PHF14: variants seen among roughly 807,000 people sequenced by gnomAD.
PHF14 encodes the protein PHD finger protein 14.
PHF14 carries 55 observed loss-of-function variants against 117.9 expected under a neutral mutation model. The observed-to-expected ratio is 0.47, with a 90% CI of 0.38 to 0.58. PHF14 has a LOEUF of 0.58. Among genes scored for constraint, PHF14 ranks in the 20% least tolerant of loss-of-function variants. PHF14 has a pLI of 0.00. For synonymous variants in PHF14, 409 were observed against 368.6 expected (o/e 1.11, Z -1.26); for missense variants, 978 against 1,122.2 (o/e 0.87, Z 1.84).
chr7:11,090,391 A>G (rs1358820072), intron 16 of PHF14, among the ~76,000 whole-genome samples: 1 of 152,208 alleles, frequency 6.6e-6, no homozygotes, highest in East Asian at 1.9e-4. Context: ...AAGTGAAATT[A>G]TATCAGTCAA....
At chr7:10,989,984 A>C (rs1185587455) in intron 3 of PHF14, among the ~76,000 whole-genome samples, 1 of 152,124 alleles carries the variant, frequency 6.6e-6, no homozygotes, top group African/African-American at 2.4e-5. Flanking sequence ...TTTACACTGG[A>C]TATTTCTTGA....
chr7:10,983,168 A>G lies in PHF14; in HGVS notation c.900+9A>G. The G allele has an allele frequency of 6.3e-7, 1 of 1,577,392 alleles. No individual in the cohort carries two copies. Among genetic ancestry groups the G allele is most frequent in the Non-Finnish European group, 8.6e-7 (1 of 1,168,284 alleles). ...AAAGCAAGAGTAATGAGGTAGATCA[A>G]CCCAATTTTTATATCTGTCTGTCTG... On this transcript the variant is annotated intron_variant, in intron 3 of 17. Transcript: ENST00000634607.
chr7:11,050,611 C>T (rs1047211291), intron 13 of PHF14, among the ~76,000 whole-genome samples: 3 of 152,050 alleles, frequency 2.0e-5, no homozygotes, highest in African/African-American at 4.8e-5. Context: ...ATTTCAAGTG[C>T]TCAGTAACCA....
chr7:11,110,309 C>A (rs1222759482), intron 16 of PHF14: 1 of 152,036 alleles, frequency 6.6e-6, no homozygotes, highest in African/African-American at 2.4e-5. Flanking sequence ...AGTTTTAAAT[C>A]AGTGAAAGAT....
intron 16 of PHF14, among the ~76,000 whole-genome samples, chr7:11,067,133 A>G (rs1359994759): frequency 6.6e-6 from 1 of 152,218 alleles, no homozygotes; most frequent in East Asian, 1.9e-4. Context: ...AAACAACCCC[A>G]TTAAAAATGG....
chr7:11,063,546 C>G (rs1461943490), intron 16 of PHF14: 1 of 973,218 alleles, frequency 1.0e-6, no homozygotes, highest in African/African-American at 1.8e-5. Context: ...AGCTGGTGAT[C>G]CTTTTATTAA....
At chr7:11,144,588 T>A (rs1182447458) in intron 17 of PHF14, among the ~76,000 whole-genome samples, 7 of 148,296 alleles carry the variant, frequency 4.7e-5, no homozygotes, top group Non-Finnish European at 1.5e-5. Flanking sequence ...AAATATAAAT[T>A]AATGTAATAT....
At chr7:11,008,721 G>A (rs552707381) in intron 4 of PHF14, among the ~76,000 whole-genome samples, 1 of 152,158 alleles carries the variant, frequency 6.6e-6, no homozygotes, top group South Asian at 2.1e-4. Context: ...TGTCTTTCTC[G>A]TAAACAATAT....
Position 11,035,654 on chromosome 7 carries a change from A to G in PHF14, c.1470A>G (p.Pro490=), listed in dbSNP as rs1351691417. The G allele has an allele frequency of 6.2e-7, 1 of 1,609,520 alleles. No individual in the cohort carries two copies. Among genetic ancestry groups the G allele is most frequent in the Admixed American group, 1.7e-5 (1 of 59,836 alleles). ...EAAAEEDIAD[P]FFAYCKQHAD... The stretch of plus-strand genomic sequence containing the variant: ...TCTTTGTATAGGATATAGCAGATCC[A>G]TTCTTTGCTTATTGTAAGCAACATG... Residue 490 remains proline (P), a synonymous_variant, in exon 8 of 18, where the codon CCA becomes CCG. Coordinates refer to ENST00000634607, the MANE Select transcript of PHF14 (RefSeq NM_001007157.2).
intron 7 of PHF14, among the ~76,000 whole-genome samples, chr7:11,031,068 A>G (rs1359404202): frequency 6.6e-6 from 1 of 152,166 alleles, no homozygotes; most frequent in Non-Finnish European, 1.5e-5. Flanking sequence ...AAATAGATCT[A>G]TGTTTGTGAG....
At chr7:10,985,638 G>GT (rs61250143) in intron 3 of PHF14, among the ~76,000 whole-genome samples, 857 of 45,966 alleles carry the variant, frequency 0.019, 244 homozygotes, top group African/African-American at 0.044. Flanking sequence ...TTCTCAAACT[G>GT]TTTTTTTTTT....
rs564450843 is a variant in PHF14, at chr7:11,053,031, G to T, written c.2481+1251G>T. Among the ~76,000 whole-genome samples, 4 of 152,212 alleles carry T rather than the reference G, an allele frequency of 2.6e-5. No individual in the cohort carries two copies. In the South Asian group the frequency reaches 8.3e-4, roughly 32 times the overall value. On this transcript the variant is annotated intron_variant, in intron 14 of 17. Coordinates refer to ENST00000634607, the MANE Select transcript of PHF14 (RefSeq NM_001007157.2). ...TGAATTCTTAGGGCATACTTTCCTT[G>T]CTTGAGCTGAGGCAGGCACTTTTCA...
At chr7:11,148,477 C>G (rs1437590386) in intron 17 of PHF14, among the ~76,000 whole-genome samples, 1 of 152,170 alleles carries the variant, frequency 6.6e-6, no homozygotes, top group East Asian at 1.9e-4. Flanking sequence ...GCTCAAATGT[C>G]AGCTCTTTTG....
At chr7:11,138,299 C>T (rs947867666) in intron 17 of PHF14, among the ~76,000 whole-genome samples, 1 of 152,060 alleles carries the variant, frequency 6.6e-6, no homozygotes, top group African/African-American at 2.4e-5. Flanking sequence ...CCTCGGCCCC[C>T]CAAAGTGCTG....
At chr7:10,991,109 G>A (rs1782433106) in intron 4 of PHF14, among the ~76,000 whole-genome samples, 1 of 151,464 alleles carries the variant, frequency 6.6e-6, no homozygotes, top group African/African-American at 2.4e-5. Flanking sequence ...TGCTGCCTCA[G>A]CCTCCTGGGT....
chr7:11,033,543 G>C (rs1396996167), intron 7 of PHF14, among the ~76,000 whole-genome samples: 2 of 152,186 alleles, frequency 1.3e-5, no homozygotes, highest in Non-Finnish European at 2.9e-5. Context: ...GGCTGGATCA[G>C]ATAGTTTCTA....
intron 17 of PHF14, among the ~76,000 whole-genome samples, chr7:11,120,132 A>G (rs1787709064): frequency 6.6e-6 from 1 of 151,930 alleles, no homozygotes; most frequent in African/African-American, 2.4e-5. Flanking sequence ...AGTAATTTAA[A>G]TTATATAGAA....
At chr7:11,102,380 G>T in intron 16 of PHF14, 1 of 1,193,934 alleles carries the variant, frequency 8.4e-7, no homozygotes, top group Non-Finnish European at 1.2e-6. Context: ...CAGATCATAT[G>T]TTATTTGAAT....
chr7:11,116,362 G>A (rs531666409), intron 17 of PHF14, among the ~76,000 whole-genome samples: 4 of 152,060 alleles, frequency 2.6e-5, no homozygotes, highest in South Asian at 2.1e-4. Flanking sequence ...ATTGTTACTG[G>A]GATATTGCTT....
Sources: allele counts gnomAD v4.1 joint callset (sites outside exome capture counted in the v4.1 genomes callset), GRCh38; gene constraint gnomAD v4.1.1; transcripts MANE v1.5; gene names NCBI Gene and HGNC (gene_info 2026-07-23, HGNC 2026-07-21).